The following ERCC4 variants were observed in gnomAD, a reference collection of about 807,000 sequenced individuals.
The protein encoded by ERCC4 is ERCC excision repair 4, endonuclease catalytic subunit.
Under a neutral mutation model 76.9 loss-of-function variants are expected in ERCC4, and 65 were observed. The ratio of observed to expected loss-of-function variants is 0.84; its 90% CI spans 0.69 to 1.04. ERCC4 has a LOEUF of 1.04. Among genes scored for constraint, ERCC4 ranks in the 50% least tolerant of loss-of-function variants. The pLI is 0.00. For synonymous variants in ERCC4, 463 were observed against 410.1 expected (o/e 1.13, Z -1.56); for missense variants, 1,214 against 1,128.2 (o/e 1.08, Z -1.09).
At position 13,926,734 on chromosome 16, in the gene ERCC4, A is replaced by G; in HGVS notation, c.562A>G (p.Arg188Gly). The G allele has an allele frequency of 6.2e-7, 1 of 1,613,560 alleles. No individual in the cohort carries two copies. The highest frequency in any genetic ancestry group is 8.5e-7 in the Non-Finnish European group (1 of 1,179,562). ...AAGAGTGATGAGAAATCTTTTTGTG[A>G]GGAAACTGTATCTGTGGCCAAGGTA... ...VERVMRNLFVRKLYLWPRFHV... is the reference protein window; with the variant it reads ...VERVMRNLFVGKLYLWPRFHV... The change falls in exon 3 of 11, where the codon AGG (arginine) becomes GGG (glycine). Residue 188 changes from arginine (R) to glycine (G), a missense_variant. Coordinates refer to ENST00000311895, the MANE Select transcript of ERCC4 (RefSeq NM_005236.3).
chr16:13,937,816 CTGCTT>C lies in ERCC4; in HGVS notation c.1866_1870del (p.Leu623GlufsTer7). On this transcript the variant is annotated frameshift_variant, in exon 9 of 11. Transcript: ENST00000311895. LOFTEE classifies it high-confidence loss of function. ...TCAACTGAGGAACAACGCTATCTCA[CTGCTT>C]TGCGGAAAGAAAAGGAAGCTTTTGA... 1.9e-6 allele frequency: 3 copies of C among 1,613,658 alleles called. No homozygotes were observed. Among genetic ancestry groups the C allele is most frequent in the Non-Finnish European group, 2.5e-6 (3 of 1,179,570 alleles).
rs587777943 is a variant in ERCC4, at chr16:13,944,836, G to A, written c.2017+1G>A. On this transcript the variant is annotated splice_donor_variant, in intron 10 of 10. Coordinates refer to ENST00000311895, the MANE Select transcript of ERCC4 (RefSeq NM_005236.3). LOFTEE classifies it high-confidence loss of function. The stretch of plus-strand genomic sequence containing the variant: ...GTTTCCACTGACACTCGGAAAGCCG[G>A]TGAGTCCTGCACTTTGTCAGGCACC... 6.3e-6 allele frequency: 10 copies of A among 1,592,212 alleles called. No homozygotes were observed. The highest frequency in any genetic ancestry group is 8.6e-6 in the Non-Finnish European group (10 of 1,160,284).
Position 13,952,129 on chromosome 16 carries a change from T to A in ERCC4, c.*3782T>A, listed in dbSNP as rs994131655. 3.2e-5 allele frequency: 6 copies of A among 190,238 alleles called. No homozygotes were observed. Among genetic ancestry groups the A allele is most frequent in the African/African-American group, 1.4e-4 (6 of 42,920 alleles). 11.8% of individuals were successfully genotyped at this position (190,238 alleles called of 1,614,324 possible). On this transcript the variant is annotated 3_prime_UTR_variant, in exon 11 of 11. Coordinates refer to ENST00000311895, the MANE Select transcript of ERCC4 (RefSeq NM_005236.3). The stretch of plus-strand genomic sequence containing the variant: ...AATTTGGATGGGAGTGAGACATAAC[T>A]GATTTATATGAATTTTAACAGAGTT...
At chr16:13,933,118 A>G in intron 6 of ERCC4, 1 of 358,358 alleles carries the variant, frequency 2.8e-6, no homozygotes, top group Non-Finnish European at 5.5e-6. Context: ...TTATCGTCTC[A>G]GCTACTTGAG....
At position 13,950,606 on chromosome 16, in the gene ERCC4, A is replaced by G. The variant is rs1322277631; in HGVS notation, c.*2259A>G. 1.6e-5 allele frequency: 3 copies of G among 193,196 alleles called. No individual in the cohort carries two copies. Among genetic ancestry groups the G allele is most frequent in the African/African-American group, 7.0e-5 (3 of 43,124 alleles). 12.0% of individuals were successfully genotyped at this position (193,196 alleles called of 1,614,324 possible). On this transcript the variant is annotated 3_prime_UTR_variant, in exon 11 of 11. Coordinates refer to ENST00000311895, the MANE Select transcript of ERCC4 (RefSeq NM_005236.3). The stretch of plus-strand genomic sequence containing the variant: ...TTTTGTATTTATTGTTTTATTGAAT[A>G]TAGTTCAGAGTATATTAAAATAGAC...
In ERCC4 at chr16:13,934,258, A is replaced by G. The variant is rs2032239788; in HGVS notation, c.1169A>G (p.Glu390Gly). The G allele has an allele frequency of 6.2e-7, 1 of 1,613,604 alleles. No individual in the cohort carries two copies. The highest frequency in any genetic ancestry group is 8.5e-7 in the Non-Finnish European group (1 of 1,179,786). ...KWEALTEVLKEIEAENKESEA... is the reference protein window; with the variant it reads ...KWEALTEVLKGIEAENKESEA... The stretch of plus-strand genomic sequence containing the variant: ...GAGGCACTGACTGAAGTATTAAAAG[A>G]AATTGAGGCAGAAAATAAGGAGAGT... The change falls in exon 7 of 11, where the codon GAA (glutamate) becomes GGA (glycine). Residue 390 changes from glutamate (E) to glycine (G), a missense_variant. Physicochemically the swap from Glu to Gly is moderately conservative, Grantham distance 98 (BLOSUM62 -2). Coordinates refer to ENST00000311895, the MANE Select transcript of ERCC4 (RefSeq NM_005236.3).
At chr16:13,938,961 C>A (rs754125974) in intron 9 of ERCC4, among the ~76,000 whole-genome samples, 1 of 152,174 alleles carries the variant, frequency 6.6e-6, no homozygotes, top group East Asian at 1.9e-4. Flanking sequence ...CCCTTCACAT[C>A]CTCTCGAATG....
At position 13,950,042 on chromosome 16, in the gene ERCC4, A is replaced by G. The variant is rs888828138; in HGVS notation, c.*1695A>G. On this transcript the variant is annotated 3_prime_UTR_variant, in exon 11 of 11. Coordinates refer to ENST00000311895, the MANE Select transcript of ERCC4 (RefSeq NM_005236.3). ...AGTGGCGCAATCTCGGCTCACTGCAACCTCGCCTGCTGGGTTCAAGCAGTT... is the reference window on the plus strand; with the variant it reads ...AGTGGCGCAATCTCGGCTCACTGCAGCCTCGCCTGCTGGGTTCAAGCAGTT... 8 of 198,954 alleles carry G rather than the reference A, an allele frequency of 4.0e-5. No homozygotes were observed. The highest frequency in any genetic ancestry group is 1.2e-4 in the Admixed American group (2 of 16,602). 12.3% of individuals were successfully genotyped at this position (198,954 alleles called of 1,614,324 possible).
intron 7 of ERCC4, 39 bp downstream of exon 7, chr16:13,934,341 C>A: frequency 7.6e-7 from 1 of 1,307,230 alleles, no homozygotes; most frequent in Non-Finnish European, 1.1e-6. Context: ...CTTCCAAAAT[C>A]TATCAAATGA....
chr16:13,933,969 T>C, intron 6 of ERCC4: 1 of 469,408 alleles, frequency 2.1e-6, no homozygotes. Context: ...TATAACTTTC[T>C]ACCAAGGCAT....
rs531163871 is a variant in ERCC4 at position 13,927,064 on chromosome 16, A to G, written c.584+308A>G. 3.3e-5 allele frequency among the ~76,000 whole-genome samples: 5 copies of G among 152,338 alleles called. No homozygotes were observed. In the East Asian group the frequency reaches 9.6e-4, roughly 29 times the overall value. ...AACTCCCAGGGATCTAGAGACCCACATATACAACAGCTTTAGGTGTACAGC... is the reference window on the plus strand; with the variant it reads ...AACTCCCAGGGATCTAGAGACCCACGTATACAACAGCTTTAGGTGTACAGC... On this transcript the variant is annotated intron_variant, in intron 3 of 10. Coordinates refer to ENST00000311895, the MANE Select transcript of ERCC4 (RefSeq NM_005236.3).
chr16:13,922,502 C>T (rs2031998117), intron 2 of ERCC4: 1 of 745,450 alleles, frequency 1.3e-6, no homozygotes, highest in Non-Finnish European at 2.5e-6. Context: ...ACATAGGCGT[C>T]GAAGATGCTC....
At chr16:13,931,237 AGGGAGTAT>A in intron 5 of ERCC4, 1 of 280,890 alleles carries the variant, frequency 3.6e-6, no homozygotes, top group Non-Finnish European at 6.9e-6. Context: ...AGCAAAAGCA[AGGGAGTAT>A]GGGGCTTCCA....
chr16:13,934,247 A>G lies in ERCC4; in HGVS notation c.1158A>G (p.Glu386=), dbSNP rs2032239456. ...ACCCAAAGTGGGAGGCACTGACTGA[A>G]GTATTAAAAGAAATTGAGGCAGAAA... The part of the protein sequence containing the change: ...ESNPKWEALT[E]VLKEIEAENK... The change falls in exon 7 of 11, where the codon GAA becomes GAG. Residue 386 remains glutamate, a synonymous_variant. Coordinates refer to ENST00000311895, the MANE Select transcript of ERCC4 (RefSeq NM_005236.3). 1 of 1,613,654 alleles carries G rather than the reference A, an allele frequency of 6.2e-7. No individual in the cohort carries two copies. Among genetic ancestry groups the G allele is most frequent in the African/African-American group, 1.3e-5 (1 of 74,906 alleles).
At chr16:13,921,168 A>G (rs1245110671) in intron 1 of ERCC4, among the ~76,000 whole-genome samples, 1 of 152,160 alleles carries the variant, frequency 6.6e-6, no homozygotes, top group East Asian at 1.9e-4. Flanking sequence ...GAGGCGCTGG[A>G]AAAACCCCAA....
In ERCC4 at chr16:13,947,617, G is replaced by A. The variant is rs2032538977; in HGVS notation, c.2021G>A (p.Gly674Asp). The change falls in exon 11 of 11, where the codon GGC (glycine) becomes GAC (aspartate). Residue 674 changes from glycine (G) to aspartate (D), a missense_variant. Coordinates refer to ENST00000311895, the MANE Select transcript of ERCC4 (RefSeq NM_005236.3). ...DVSTDTRKAG[G>D]QEQNGTQQSI... Reference sequence around the variant, plus strand: ...ATTACTTACTTTTTCTCTGTAGGTGGCCAGGAACAGAATGGTACACAGCAA... The same window carrying A: ...ATTACTTACTTTTTCTCTGTAGGTGACCAGGAACAGAATGGTACACAGCAA... 1.2e-6 allele frequency: 2 copies of A among 1,614,098 alleles called. No individual in the cohort carries two copies. Among genetic ancestry groups the A allele is most frequent in the East Asian group, 4.5e-5 (2 of 44,884 alleles).
intron 2 of ERCC4, 36 bp downstream of exon 2, chr16:13,922,247 TTG>T: frequency 7.1e-7 from 1 of 1,415,054 alleles, no homozygotes; most frequent in African/African-American, 1.4e-5. Context: ...GTATGTAAAT[TTG>T]TACTTTTTTT....
At chr16:13,921,773 G>A (rs1284596789) in intron 1 of ERCC4, among the ~76,000 whole-genome samples, 1 of 152,170 alleles carries the variant, frequency 6.6e-6, no homozygotes, top group Non-Finnish European at 1.5e-5. Context: ...GGTTTTGTAT[G>A]TGTGTGCATA....
intron 10 of ERCC4, among the ~76,000 whole-genome samples, chr16:13,946,708 C>T (rs978191609): frequency 6.6e-6 from 1 of 152,122 alleles, no homozygotes; most frequent in African/African-American, 2.4e-5. Context: ...TCTTAGACCC[C>T]TTAGATCTCA....
Sources: allele counts gnomAD v4.1 joint callset (sites outside exome capture counted in the v4.1 genomes callset), GRCh38; gene constraint gnomAD v4.1.1; transcripts MANE v1.5; gene names NCBI Gene and HGNC (gene_info 2026-07-23, HGNC 2026-07-21).